CSGALNACT1: variants seen among roughly 807,000 people sequenced by gnomAD.
CSGALNACT1 encodes the protein beta4GalNAcT-1.
A neutral mutation model predicts 51.0 loss-of-function variants in CSGALNACT1; 52 were observed. The ratio of observed to expected loss-of-function variants is 1.02; its 90% CI spans 0.82 to 1.29. The LOEUF (loss-of-function observed/expected upper bound fraction) is 1.29. CSGALNACT1 is among the 50% of genes most tolerant of loss of function. The pLI is 0.00. For synonymous variants in CSGALNACT1, 341 were observed against 254.4 expected, an observed-to-expected ratio of 1.34 and a Z score of -3.24; for missense variants, 935 against 679.2, an observed-to-expected ratio of 1.38 and a Z score of -4.19.
chr8:19,510,948 G>T (rs142066079), intron 3 of CSGALNACT1, among the ~76,000 whole-genome samples: 143 of 152,328 alleles, frequency 9.4e-4, no homozygotes, highest in African/African-American at 3.4e-3. Flanking sequence ...CAGTTTGAGT[G>T]TAAGCATTTC....
At chr8:19,619,607 A>G (rs533899860) in intron 1 of CSGALNACT1, among the ~76,000 whole-genome samples, 1 of 152,140 alleles carries the variant, frequency 6.6e-6, no homozygotes, top group African/African-American at 2.4e-5. Flanking sequence ...CTAGGCATAG[A>G]GTCAGGGCTC....
intron 1 of CSGALNACT1, among the ~76,000 whole-genome samples, chr8:19,664,184 T>A (rs781587826): frequency 1.3e-5 from 2 of 152,228 alleles, no homozygotes; most frequent in Non-Finnish European, 2.9e-5. Context: ...ATGTTGAACG[T>A]GTTTTTCAAA....
intron 1 of CSGALNACT1, among the ~76,000 whole-genome samples, chr8:19,693,881 C>G (rs1191913943): frequency 6.6e-6 from 1 of 152,160 alleles, no homozygotes; most frequent in Non-Finnish European, 1.5e-5. Context: ...TTAACACACA[C>G]TCTGAGGATC....
At chr8:19,639,525 C>T (rs1434620405) in intron 1 of CSGALNACT1, among the ~76,000 whole-genome samples, 1 of 152,112 alleles carries the variant, frequency 6.6e-6, no homozygotes, top group African/African-American at 2.4e-5. Context: ...ACTAGGGTAC[C>T]CCCATCACTC....
chr8:19,740,886 C>T (rs1186831971), intron 1 of CSGALNACT1, among the ~76,000 whole-genome samples: 1 of 152,114 alleles, frequency 6.6e-6, no homozygotes. Flanking sequence ...AAAATGGATG[C>T]ACATGTTACA....
intron 1 of CSGALNACT1, among the ~76,000 whole-genome samples, chr8:19,672,504 C>T (rs2154198734): frequency 6.6e-6 from 1 of 152,256 alleles, no homozygotes; most frequent in South Asian, 2.1e-4. Context: ...TCCCTGAATG[C>T]CTTTAGGATG....
intron 1 of CSGALNACT1, among the ~76,000 whole-genome samples, chr8:19,749,490 G>A (rs2064895718): frequency 6.6e-6 from 1 of 152,136 alleles, no homozygotes; most frequent in East Asian, 1.9e-4. Context: ...CCTGGCTGAG[G>A]TAGACGTTTC....
chr8:19,659,389 C>T (rs925988299), intron 1 of CSGALNACT1, among the ~76,000 whole-genome samples: 5 of 152,210 alleles, frequency 3.3e-5, no homozygotes, highest in Admixed American at 2.6e-4. Flanking sequence ...GTGCTGTCCA[C>T]ACTCTCTTTG....
intron 3 of CSGALNACT1, chr8:19,588,125 A>T (rs1296327976): frequency 6.6e-6 from 1 of 152,036 alleles, no homozygotes; most frequent in Non-Finnish European, 1.5e-5. Flanking sequence ...TGGGGTGGGG[A>T]GGTAGGTTTC....
intron 1 of CSGALNACT1, among the ~76,000 whole-genome samples, chr8:19,716,393 A>G (rs1043493264): frequency 1.3e-5 from 2 of 151,982 alleles, no homozygotes; most frequent in African/African-American, 4.8e-5. Context: ...TTTTTATTAC[A>G]TATTTGTTCT....
At position 19,693,383 on chromosome 8, in the gene CSGALNACT1, C is replaced by A. The variant is rs77130442; in HGVS notation, c.-297+64467G>T. Among the ~76,000 whole-genome samples the A allele has an allele frequency of 7.2e-5, 11 of 152,210 alleles. No individual in the cohort carries two copies. In the East Asian group the frequency reaches 2.1e-3, roughly 30 times the overall value. ...CACCATCCTCTCTCTGTTCTACCAGCCTTTGTCATAGTAACGGTTTCCTGC... is the reference window on the plus strand; with the variant it reads ...CACCATCCTCTCTCTGTTCTACCAGACTTTGTCATAGTAACGGTTTCCTGC... On this transcript the variant is annotated intron_variant, in intron 1 of 1. Transcript: ENST00000517494.
intron 3 of CSGALNACT1, among the ~76,000 whole-genome samples, chr8:19,558,253 T>C (rs1045949603): frequency 2.0e-5 from 3 of 152,218 alleles, no homozygotes; most frequent in Admixed American, 6.5e-5. Flanking sequence ...TTACATTCAC[T>C]TTGGGTTTTT....
intron 3 of CSGALNACT1, among the ~76,000 whole-genome samples, chr8:19,508,897 T>C (rs530594262): frequency 1.3e-4 from 20 of 152,376 alleles, no homozygotes; most frequent in Admixed American, 3.9e-4. Flanking sequence ...TGTTCTGTTC[T>C]ATAATTTTCT....
intron 1 of CSGALNACT1, among the ~76,000 whole-genome samples, chr8:19,721,534 G>GC (rs2063129971): frequency 6.6e-6 from 1 of 152,150 alleles, no homozygotes; most frequent in Non-Finnish European, 1.5e-5. Flanking sequence ...ACCATGACAA[G>GC]CACATGAGCC....
chr8:19,721,408 A>G (rs2063122033), intron 1 of CSGALNACT1, among the ~76,000 whole-genome samples: 1 of 152,220 alleles, frequency 6.6e-6, no homozygotes, highest in Non-Finnish European at 1.5e-5. Flanking sequence ...AAAATATTTT[A>G]CCCAAAACAC....
chr8:19,722,264 T>C (rs1393686942), intron 1 of CSGALNACT1, among the ~76,000 whole-genome samples: 1 of 152,192 alleles, frequency 6.6e-6, no homozygotes, highest in Non-Finnish European at 1.5e-5. Flanking sequence ...CACAGTATAG[T>C]GTATGGCACA....
chr8:19,436,027 C>T (rs1461902373), intron 6 of CSGALNACT1, among the ~76,000 whole-genome samples: 1 of 152,068 alleles, frequency 6.6e-6, no homozygotes, highest in Non-Finnish European at 1.5e-5. Flanking sequence ...ATTTCACAAC[C>T]CTCTAATAAA....
intron 3 of CSGALNACT1, among the ~76,000 whole-genome samples, chr8:19,545,844 AAT>A (rs1477362752): frequency 2.7e-5 from 4 of 148,316 alleles, no homozygotes; most frequent in East Asian, 1.9e-4. Flanking sequence ...ATGTATATAT[AAT>A]AGTTATATAC....
At chr8:19,599,520 G>GAAAGAAAGAAAGAAAGAAAGAAAGAAAGA (rs1554751495) in intron 2 of CSGALNACT1, among the ~76,000 whole-genome samples, 1 of 127,156 alleles carries the variant, frequency 7.9e-6, no homozygotes, top group African/African-American at 2.9e-5. Flanking sequence ...AAGAAAGAAA[G>GAAAGAAAGAAAGAAAGAAAGAAAGAAAGA]AAAGAAAAGA....
Sources: gnomAD v4.1 joint callset for allele counts (sites outside exome capture counted in the v4.1 genomes callset) on GRCh38, gnomAD v4.1.1 for gene constraint, MANE v1.5 for transcripts, NCBI Gene and HGNC (gene_info 2026-07-23, HGNC 2026-07-21) for gene names.